RIT2: variants seen among roughly 807,000 people sequenced by gnomAD.
RIT2 encodes GTP-binding protein Rit2.
RIT2 carries 24 observed loss-of-function variants against 23.7 expected under a neutral mutation model. The observed-to-expected ratio is 1.01, with a 90% CI of 0.73 to 1.43. The LOEUF (loss-of-function observed/expected upper bound fraction) is 1.43, where lower values mean the gene tolerates loss of function less well. Among genes scored for constraint, RIT2 ranks in the 40% most tolerant of loss-of-function variants. RIT2 has a pLI of 0.00. For synonymous variants in RIT2, 107 were observed against 91.1 expected, an observed-to-expected ratio of 1.17 and a Z score of -0.99; for missense variants, 236 against 266.9, an observed-to-expected ratio of 0.88 and a Z score of 0.81.
intron 3 of RIT2, chr18:42,948,945 C>A: frequency 2.5e-6 from 1 of 397,410 alleles, no homozygotes; most frequent in Non-Finnish European, 4.4e-6. Flanking sequence ...ATTCTCAGAG[C>A]AACTCTGCTC....
intron 4 of RIT2, among the ~76,000 whole-genome samples, chr18:42,895,150 C>T (rs961565216): frequency 1.3e-5 from 2 of 152,080 alleles, no homozygotes; most frequent in Non-Finnish European, 2.9e-5. Context: ...ATTGGAAACT[C>T]CTTTCAAAAC....
chr18:43,020,544 A>G (rs528824673), intron 2 of RIT2, among the ~76,000 whole-genome samples: 10 of 152,142 alleles, frequency 6.6e-5, no homozygotes, highest in Middle Eastern at 3.4e-3. Context: ...GCCTAAATAG[A>G]CAAAGAAATT....
chr18:42,753,742 G>T lies in RIT2; in HGVS notation c.427-10022C>A, dbSNP rs1420713133. ...TTTTCTATTTTCATTTTGTTTAGTT[G>T]TATAATTGATTTTGATCAGTTTTAA... is the stretch of plus-strand genomic sequence containing the variant. On this transcript the variant is annotated intron_variant, in intron 4 of 4. Coordinates refer to ENST00000326695, the MANE Select transcript of RIT2 (RefSeq NM_002930.4). Among the ~76,000 whole-genome samples the T allele has an allele frequency of 2.0e-5, 3 of 152,230 alleles. No individual in the cohort carries two copies. The East Asian group carries it at 5.8e-4, about 29-fold the overall frequency.
chr18:43,073,746 T>C (rs541263873), intron 1 of RIT2, among the ~76,000 whole-genome samples: 6 of 152,298 alleles, frequency 3.9e-5, no homozygotes, highest in African/African-American at 1.4e-4. Flanking sequence ...CAATCCAGAC[T>C]GGTTGACTGG....
At chr18:42,920,655 G>T (rs1909031853) in intron 4 of RIT2, 7 of 1,383,304 alleles carry the variant, frequency 5.1e-6, no homozygotes, top group Non-Finnish European at 7.1e-6. Flanking sequence ...AGGGCCCTGG[G>T]ATTTCCCAAA....
At position 42,923,694 on chromosome 18, in the gene RIT2, TG is replaced by T. The variant is rs1409487837; in HGVS notation, c.303del (p.Thr102LeufsTer48). ...GCCTCCTGAAATGATTGACGGTCAG[TG>T]ACGGAGTAGCAGATGATGAAGCCTT... The part of the protein sequence containing the change: ...GGEGFIICYS[V>X]TDRQSFQEAA... On this transcript the variant is annotated frameshift_variant, in exon 4 of 5. Coordinates refer to ENST00000326695, the MANE Select transcript of RIT2 (RefSeq NM_002930.4). LOFTEE classifies it high-confidence loss of function. The T allele has an allele frequency of 1.2e-6, 2 of 1,612,856 alleles. No homozygotes were observed. The highest frequency in any genetic ancestry group is 1.7e-6 in the Non-Finnish European group (2 of 1,179,624).
chr18:43,115,301 G>A, intron 1 of RIT2, 116 bp downstream of exon 1: 1 of 1,315,810 alleles, frequency 7.6e-7, no homozygotes, highest in South Asian at 1.3e-5. Context: ...CCCATACTCT[G>A]TGTTTAACTG....
intron 1 of RIT2, among the ~76,000 whole-genome samples, chr18:43,038,307 A>C (rs997064388): frequency 7.7e-6 from 1 of 130,688 alleles, no homozygotes; most frequent in African/African-American, 2.6e-5. Flanking sequence ...TTTTTATTGA[A>C]TCGTGGTTTT....
intron 1 of RIT2, among the ~76,000 whole-genome samples, chr18:43,047,216 TCCCTTTTTTCTTATAATCTTCCGC>T (rs1160267479): frequency 3.9e-5 from 6 of 152,080 alleles, no homozygotes; most frequent in African/African-American, 1.4e-4. Context: ...CTTATATCTC[TCCCTTTTTTCTTATAATCTTCCGC>T]TTTTTCACTC....
chr18:42,917,592 A>T (rs947684402), intron 4 of RIT2, among the ~76,000 whole-genome samples: 1 of 152,170 alleles, frequency 6.6e-6, no homozygotes, highest in Admixed American at 6.6e-5. Flanking sequence ...TGCTCCAACC[A>T]ACGACAAGAC....
chr18:43,064,898 C>A (rs1052884279), intron 1 of RIT2, among the ~76,000 whole-genome samples: 1 of 152,132 alleles, frequency 6.6e-6, no homozygotes, highest in Non-Finnish European at 1.5e-5. Context: ...CTCACTGCAA[C>A]CTCCACCTCC....
intron 4 of RIT2, among the ~76,000 whole-genome samples, chr18:42,918,527 T>G (rs1005291052): frequency 1.3e-5 from 2 of 152,050 alleles, no homozygotes; most frequent in African/African-American, 2.4e-5. Context: ...ATTTGGAAAA[T>G]ATGTTTATAT....
intron 1 of RIT2, among the ~76,000 whole-genome samples, chr18:43,040,177 G>A (rs149909583): frequency 7.6e-4 from 116 of 152,186 alleles, no homozygotes; most frequent in African/African-American, 2.7e-3. Flanking sequence ...ATAAATAGGT[G>A]GAACCCTTCA....
At chr18:43,099,232 G>A (rs1913626179) in intron 1 of RIT2, among the ~76,000 whole-genome samples, 1 of 152,028 alleles carries the variant, frequency 6.6e-6, no homozygotes, top group Non-Finnish European at 1.5e-5. Flanking sequence ...TGGCTGGAAA[G>A]CTATAGAACT....
intron 4 of RIT2, among the ~76,000 whole-genome samples, chr18:42,870,956 C>G (rs1463355582): frequency 6.6e-6 from 1 of 152,114 alleles, no homozygotes; most frequent in Non-Finnish European, 1.5e-5. Flanking sequence ...GGTGAACTTT[C>G]TCATCAACAG....
At chr18:42,934,046 A>G (rs1909395280) in intron 3 of RIT2, among the ~76,000 whole-genome samples, 1 of 151,634 alleles carries the variant, frequency 6.6e-6, no homozygotes, top group Admixed American at 6.6e-5. Context: ...AAAGAAAAAA[A>G]AAAAAAGAAA....
intron 4 of RIT2, among the ~76,000 whole-genome samples, chr18:42,873,174 G>A (rs1252186967): frequency 1.3e-5 from 2 of 152,086 alleles, no homozygotes; most frequent in Non-Finnish European, 2.9e-5. Context: ...AATAAATTGA[G>A]AATGTTGTTG....
intron 4 of RIT2, among the ~76,000 whole-genome samples, chr18:42,771,040 A>G (rs1275564655): frequency 6.6e-6 from 1 of 152,180 alleles, no homozygotes; most frequent in Admixed American, 6.5e-5. Context: ...TAGAGCTTCT[A>G]TGATTCCCAC....
chr18:43,077,773 A>G (rs563482326), intron 1 of RIT2, among the ~76,000 whole-genome samples: 6 of 152,336 alleles, frequency 3.9e-5, no homozygotes, highest in African/African-American at 1.4e-4. Flanking sequence ...AAGTCTATGC[A>G]CATTTACCTG....
Sources: gnomAD v4.1 joint callset for allele counts (sites outside exome capture counted in the v4.1 genomes callset) on GRCh38, gnomAD v4.1.1 for gene constraint, MANE v1.5 for transcripts, NCBI Gene and HGNC (gene_info 2026-07-23, HGNC 2026-07-21) for gene names.